Variants in PPP2R1A observed in about 807,000 individuals in gnomAD.
PPP2R1A encodes protein phosphatase 2 scaffold subunit Aalpha.
Under a neutral mutation model 67.1 loss-of-function variants are expected in PPP2R1A, and 15 were observed. The ratio of observed to expected loss-of-function variants is 0.22; its 90% CI spans 0.15 to 0.34. The LOEUF (loss-of-function observed/expected upper bound fraction) is 0.34, where lower values mean the gene tolerates loss of function less well. Ranked by LOEUF, PPP2R1A falls within the 10% of genes least tolerant of loss-of-function variation. The pLI, the probability that PPP2R1A is intolerant of heterozygous loss-of-function variation, is 1.00. For synonymous variants in PPP2R1A, 337 were observed against 325.0 expected, an observed-to-expected ratio of 1.04 and a Z score of -0.40; for missense variants, 369 against 775.0, an observed-to-expected ratio of 0.48 and a Z score of 6.22.
At position 52,220,282 on chromosome 19, in the gene PPP2R1A, T is replaced by A. The variant is rs182058582; in HGVS notation, c.1363+33T>A. 1.0e-3 allele frequency: 1,607 copies of A among 1,606,832 alleles called. 9 individuals carry two copies. Among genetic ancestry groups the A allele is most frequent in the Non-Finnish European group, 1.2e-3 (1,383 of 1,174,084 alleles). ...CCTTCACAGGAGCAGCAAGAGGAGA[T>A]GGGAGCTCCAGAAAGGCAGGATGGA... On this transcript the variant is annotated intron_variant, in intron 11 of 14. Transcript: ENST00000322088.
Position 52,211,250 on chromosome 19 carries a change from C to G in PPP2R1A, c.271-10C>G. On this transcript the variant is annotated splice_polypyrimidine_tract_variant and intron_variant, in intron 3 of 14. Transcript: ENST00000322088. This position sits in a 1 kb window ranked among gnomAD's most constrained non-coding sequence, Gnocchi z 5.3. The stretch of plus-strand genomic sequence containing the variant: ...GGGAGCTGTCCAGTGACTTTGTGTT[C>G]TCACCACAGCCACCGCTGGAGTCGC... 1 of 1,610,652 alleles carries G rather than the reference C, an allele frequency of 6.2e-7. No homozygotes were observed. The highest frequency in any genetic ancestry group is 8.5e-7 in the Non-Finnish European group (1 of 1,179,098).
chr19:52,203,811 T>A (rs1042067023), intron 2 of PPP2R1A, among the ~76,000 whole-genome samples: 1 of 152,176 alleles, frequency 6.6e-6, no homozygotes, highest in Non-Finnish European at 1.5e-5. Context: ...ATTGATCAGC[T>A]TCAAGTTGGG....
At chr19:52,198,186 A>G (rs908687385) in intron 1 of PPP2R1A, among the ~76,000 whole-genome samples, 12 of 152,212 alleles carry the variant, frequency 7.9e-5, no homozygotes, top group African/African-American at 2.9e-4. Flanking sequence ...AGGTACAAGG[A>G]TTGCCCAAGA....
At position 52,202,004 on chromosome 19, in the gene PPP2R1A, A is replaced by G; in HGVS notation, c.139A>G (p.Thr47Ala). 1.9e-6 allele frequency: 3 copies of G among 1,614,130 alleles called. No individual in the cohort carries two copies. Among genetic ancestry groups the G allele is most frequent in the Non-Finnish European group, 2.5e-6 (3 of 1,180,018 alleles). ...TIALALGVERTRSELLPFLTD... is the reference protein window; with the variant it reads ...TIALALGVERARSELLPFLTD... ...CGCCTTGGCCCTTGGGGTTGAAAGG[A>G]CCCGAAGTGAGCTTCTGCCTTTCCT... is the stretch of plus-strand genomic sequence containing the variant. The change falls in exon 2 of 15, where the codon ACC (threonine) becomes GCC (alanine). Residue 47 changes from threonine to alanine, a missense_variant. By Grantham distance (58) the Thr-to-Ala change is moderately conservative (BLOSUM62 0). Around this residue, in one of 2 missense-constraint regions of PPP2R1A, gnomAD observed 93 missense variants for 266.5 expected, o/e 0.35. Coordinates refer to ENST00000322088, the MANE Select transcript of PPP2R1A (RefSeq NM_014225.6).
intron 1 of PPP2R1A, among the ~76,000 whole-genome samples, chr19:52,196,041 C>A (rs886401403): frequency 2.0e-5 from 3 of 152,094 alleles, no homozygotes; most frequent in African/African-American, 7.2e-5. Context: ...AGGTATCAGT[C>A]AACATTAGCA....
rs2122348801 is a variant in PPP2R1A, at chr19:52,215,900, G to A, written c.922+7G>A. On this transcript the variant is annotated splice_region_variant and intron_variant, in intron 7 of 14. Coordinates refer to ENST00000322088, the MANE Select transcript of PPP2R1A (RefSeq NM_014225.6). ...GCCTCCCACAAGGTCAAAGGTTGGT[G>A]CTGGCAGCCGGAACACAGCAAGTGG... 1 of 1,613,952 alleles carries A rather than the reference G, an allele frequency of 6.2e-7. No homozygotes were observed. The highest frequency in any genetic ancestry group is 2.2e-5 in the East Asian group (1 of 44,872).
At chr19:52,224,029 C>T (rs922587928) in intron 13 of PPP2R1A, among the ~76,000 whole-genome samples, 3 of 152,144 alleles carry the variant, frequency 2.0e-5, no homozygotes, top group Non-Finnish European at 4.4e-5. Context: ...TCAGCAGTGA[C>T]GAAACAAATG....
chr19:52,211,824 A>C lies in PPP2R1A; in HGVS notation c.503+332A>C. On this transcript the variant is annotated intron_variant, in intron 4 of 14. Transcript: ENST00000322088. The surrounding 1 kb of genome is among the most constrained non-coding windows in gnomAD (Gnocchi z 5.3). The stretch of plus-strand genomic sequence containing the variant: ...AACATAAAAACTTTCAGCAACTTAC[A>C]TCTGATGGTATCTCCAGCCTGTCCC... The C allele has an allele frequency of 3.1e-6, 1 of 325,178 alleles. No homozygotes were observed. Among genetic ancestry groups the C allele is most frequent in the Non-Finnish European group, 5.7e-6 (1 of 175,570 alleles). 20.1% of individuals were successfully genotyped at this position (325,178 alleles called of 1,614,324 possible).
chr19:52,201,650 A>G (rs1034124642), intron 1 of PPP2R1A: 1 of 400,062 alleles, frequency 2.5e-6, no homozygotes. Context: ...AGAGGAGGAG[A>G]GGGAGTACAG....
At chr19:52,190,265 A>G in intron 1 of PPP2R1A, 91 bp downstream of exon 1, 1 of 1,434,836 alleles carries the variant, frequency 7.0e-7, no homozygotes. Flanking sequence ...GTTCGCTGGG[A>G]GTGGCGGAAG....
At position 52,190,194 on chromosome 19, in the gene PPP2R1A, C is replaced by T. The variant is rs1304085606; in HGVS notation, c.78+20C>T. On this transcript the variant is annotated intron_variant, in intron 1 of 14. Coordinates refer to ENST00000322088, the MANE Select transcript of PPP2R1A (RefSeq NM_014225.6). ...GTTCAGGTCCGGAGGCTACGGGGGA[C>T]TTGGGGAAGACGCGGAGGGGTACCT... 3.9e-6 allele frequency: 6 copies of T among 1,549,108 alleles called. No individual in the cohort carries two copies. The African/African-American group carries it at 6.9e-5, about 18-fold the overall frequency.
At chr19:52,194,147 G>T (rs2089478647) in intron 1 of PPP2R1A, among the ~76,000 whole-genome samples, 1 of 149,508 alleles carries the variant, frequency 6.7e-6, no homozygotes, top group South Asian at 2.1e-4. Flanking sequence ...AATAGAGCAA[G>T]CACCTGGGGC....
intron 13 of PPP2R1A, among the ~76,000 whole-genome samples, chr19:52,225,407 C>A (rs972764478): frequency 6.6e-6 from 1 of 152,150 alleles, no homozygotes; most frequent in African/African-American, 2.4e-5. Context: ...GTGTAATGAT[C>A]AAATTAGGAT....
Position 52,221,047 on chromosome 19 carries a change from G to T in PPP2R1A, c.1432G>T (p.Ala478Ser), listed in dbSNP as rs200975975. 1.2e-6 allele frequency: 2 copies of T among 1,614,220 alleles called. No individual in the cohort carries two copies. The highest frequency in any genetic ancestry group is 1.3e-5 in the African/African-American group (1 of 75,056). Residue 478 changes from alanine to serine, a missense_variant, in exon 12 of 15, where the codon GCC becomes TCC. Physicochemically the swap from Ala to Ser is moderately conservative, Grantham distance 99. Around this residue, in one of 2 missense-constraint regions of PPP2R1A, gnomAD observed 276 missense variants for 508.4 expected, o/e 0.54. Coordinates refer to ENST00000322088, the MANE Select transcript of PPP2R1A (RefSeq NM_014225.6). ...AGTGGAAAAGTTTGGGAAGGAGTGG[G>T]CCCATGCCACAATCATCCCCAAGGT... ...KLVEKFGKEW[A>S]HATIIPKVLA...
At chr19:52,202,056 G>T (rs2089554922) in intron 2 of PPP2R1A, 22 bp downstream of exon 2, 3 of 1,600,812 alleles carry the variant, frequency 1.9e-6, no homozygotes, top group Non-Finnish European at 2.6e-6. Context: ...GACCCCTGGG[G>T]CCCAGATGTG....
chr19:52,211,370 C>T lies in PPP2R1A; in HGVS notation c.381C>T (p.His127=). Residue 127 remains histidine, a synonymous_variant, in exon 4 of 15, where the codon CAC becomes CAT. Transcript: ENST00000322088. The surrounding 1 kb of genome is among the most constrained non-coding windows in gnomAD (Gnocchi z 5.3). The part of the protein sequence containing the change: ...HEHSPSDLEA[H]FVPLVKRLAG... ...ACTCGCCCTCTGACCTGGAGGCGCA[C>T]TTTGTGCCGCTAGTGAAGCGGCTGG... is the stretch of plus-strand genomic sequence containing the variant. The T allele has an allele frequency of 6.2e-7, 1 of 1,614,208 alleles. No individual in the cohort carries two copies. The highest frequency in any genetic ancestry group is 8.5e-7 in the Non-Finnish European group (1 of 1,180,022).
intron 6 of PPP2R1A, among the ~76,000 whole-genome samples, chr19:52,215,171 T>G (rs1256402718): frequency 1.3e-5 from 2 of 152,170 alleles, no homozygotes; most frequent in African/African-American, 2.4e-5. Flanking sequence ...TCCTCCCACT[T>G]CAGCCTTCTG....
intron 2 of PPP2R1A, 43 bp downstream of exon 2, chr19:52,202,077 G>A: frequency 1.3e-6 from 2 of 1,543,460 alleles, no homozygotes; most frequent in Non-Finnish European, 1.8e-6. Context: ...GGGACTCTTG[G>A]GAGGTGGTTT....
In PPP2R1A at chr19:52,229,384, G is replaced by T. The variant is rs1979441252; in HGVS notation, c.*3403G>T. On this transcript the variant is annotated 3_prime_UTR_variant, in exon 15 of 15. Transcript: ENST00000322088. ...TGCTTGAACCTGGGAGGCAGAGGTTGCAGTGAGCCTAGATTGGGCCATTGC... is the reference window on the plus strand; with the variant it reads ...TGCTTGAACCTGGGAGGCAGAGGTTTCAGTGAGCCTAGATTGGGCCATTGC... The T allele has an allele frequency of 6.6e-6, 1 of 152,236 alleles. No homozygotes were observed. Among genetic ancestry groups the T allele is most frequent in the East Asian group, 1.9e-4 (1 of 5,192 alleles). The allele number at this position is 152,236 out of a possible 1,614,324, so 9.4% of individuals were successfully genotyped here.
Sources: allele counts gnomAD v4.1 joint callset (sites outside exome capture counted in the v4.1 genomes callset), GRCh38; gene constraint gnomAD v4.1.1; regional missense constraint gnomAD v4.1.1; non-coding constraint Gnocchi (gnomAD v3.1); transcripts MANE v1.5; gene names NCBI Gene and HGNC (gene_info 2026-07-23, HGNC 2026-07-21).